Variants in SPAG16 observed in about 807,000 individuals in gnomAD.
SPAG16 encodes sperm-associated antigen 16 protein.
SPAG16 carries 86 observed loss-of-function variants against 80.4 expected under a neutral mutation model. That is an observed-to-expected ratio of 1.07 (90% CI 0.90 to 1.28). The LOEUF (loss-of-function observed/expected upper bound fraction) is 1.28. Among genes scored for constraint, SPAG16 ranks in the 50% most tolerant of loss-of-function variants. The pLI is 0.00. For missense variants in SPAG16, 870 were observed against 765.3 expected (o/e 1.14, Z -1.61); for synonymous variants, 294 against 265.9 (o/e 1.11, Z -1.03).
rs182971975 is a variant in SPAG16, at chr2:213,448,018, C to T, written c.943-41945C>T. ...CAGTCACGGCACTGGCCACCACTGC[C>T]GGAGTGGCATTACACCAATCTGTTC... On this transcript the variant is annotated intron_variant, in intron 9 of 15. Transcript: ENST00000331683. Among the ~76,000 whole-genome samples the T allele has an allele frequency of 1.4e-4, 22 of 152,326 alleles. No individual in the cohort carries two copies. In the East Asian group the frequency reaches 3.1e-3, roughly 21 times the overall value.
At chr2:213,796,374 C>CA (rs2071028397) in intron 10 of SPAG16, among the ~76,000 whole-genome samples, 1 of 152,134 alleles carries the variant, frequency 6.6e-6, no homozygotes, top group Non-Finnish European at 1.5e-5. Flanking sequence ...CTCTTCTGGA[C>CA]ATTTAATGTA....
At chr2:214,042,312 A>C (rs1473050575) in intron 13 of SPAG16, among the ~76,000 whole-genome samples, 2 of 151,810 alleles carry the variant, frequency 1.3e-5, no homozygotes, top group South Asian at 4.2e-4. Flanking sequence ...CTTGACCCGG[A>C]TATATATTAG....
At chr2:214,073,232 C>CTTTTTTTTTTTTTTTTTT (rs67988930) in intron 13 of SPAG16, among the ~76,000 whole-genome samples, 1 of 141,072 alleles carries the variant, frequency 7.1e-6, no homozygotes, top group African/African-American at 2.6e-5. Flanking sequence ...GAAATTTTTT[C>CTTTTTTTTTTTTTTTTTT]TTTTTTTTTT....
At chr2:213,660,632 C>T (rs1410981850) in intron 10 of SPAG16, among the ~76,000 whole-genome samples, 2 of 152,130 alleles carry the variant, frequency 1.3e-5, no homozygotes, top group East Asian at 3.9e-4. Context: ...TAAAATCCCT[C>T]TTGGCTTGGA....
intron 14 of SPAG16, among the ~76,000 whole-genome samples, chr2:214,135,233 T>C (rs2054985491): frequency 6.6e-6 from 1 of 152,198 alleles, no homozygotes; most frequent in African/African-American, 2.4e-5. Context: ...ATATATTAAT[T>C]GTTTTTCTTC....
intron 10 of SPAG16, among the ~76,000 whole-genome samples, chr2:213,688,855 A>G (rs952979151): frequency 6.6e-6 from 1 of 152,192 alleles, no homozygotes; most frequent in Non-Finnish European, 1.5e-5. Context: ...TAATAATTCT[A>G]TCACCAGACA....
intron 12 of SPAG16, among the ~76,000 whole-genome samples, chr2:213,988,818 C>G (rs1354844894): frequency 3.9e-5 from 6 of 151,956 alleles, no homozygotes. Context: ...GAAAGACATA[C>G]AGGGTTTGTG....
chr2:213,617,556 G>T (rs1336844322), intron 10 of SPAG16, among the ~76,000 whole-genome samples: 1 of 152,188 alleles, frequency 6.6e-6, no homozygotes, highest in Non-Finnish European at 1.5e-5. Context: ...TGGTCAGGCT[G>T]GTGTTGAACT....
intron 10 of SPAG16, among the ~76,000 whole-genome samples, chr2:213,681,332 A>T (rs1041524521): frequency 6.6e-6 from 1 of 152,200 alleles, no homozygotes; most frequent in African/African-American, 2.4e-5. Context: ...ATCTAATGCG[A>T]ATTTATGGTT....
chr2:214,252,551 T>C (rs1690372114), intron 15 of SPAG16, among the ~76,000 whole-genome samples: 1 of 151,814 alleles, frequency 6.6e-6, no homozygotes, highest in Admixed American at 6.6e-5. Context: ...TGTTTTTTGG[T>C]TTTCTGTTCT....
chr2:213,466,167 T>C (rs1295379250), intron 9 of SPAG16, among the ~76,000 whole-genome samples: 1 of 152,168 alleles, frequency 6.6e-6, no homozygotes, highest in Non-Finnish European at 1.5e-5. Flanking sequence ...TCCTTTCTTC[T>C]CAGCTTGCAG....
At chr2:213,982,639 G>GTC (rs1646115033) in intron 12 of SPAG16, among the ~76,000 whole-genome samples, 1 of 151,596 alleles carries the variant, frequency 6.6e-6, no homozygotes, top group Non-Finnish European at 1.5e-5. Flanking sequence ...GTGTGTGTGT[G>GTC]TGTGTGTGTG....
At chr2:213,727,541 C>T (rs183694687) in intron 10 of SPAG16, among the ~76,000 whole-genome samples, 14 of 152,140 alleles carry the variant, frequency 9.2e-5, no homozygotes, top group Admixed American at 9.2e-4. Context: ...TAAGGGTACA[C>T]CAAGCAAGGA....
chr2:213,712,428 T>C (rs1463249899), intron 10 of SPAG16, among the ~76,000 whole-genome samples: 1 of 152,192 alleles, frequency 6.6e-6, no homozygotes, highest in East Asian at 1.9e-4. Context: ...TTAATAGCTC[T>C]AACACTGCAG....
At chr2:214,209,032 AT>A (rs989100649) in intron 15 of SPAG16, among the ~76,000 whole-genome samples, 2 of 152,032 alleles carry the variant, frequency 1.3e-5, no homozygotes, top group East Asian at 1.9e-4. Context: ...TTTTATCATT[AT>A]TTTTTCTGGC....
intron 14 of SPAG16, among the ~76,000 whole-genome samples, chr2:214,119,079 G>A (rs897372870): frequency 6.6e-6 from 1 of 151,876 alleles, no homozygotes; most frequent in African/African-American, 2.4e-5. Context: ...ATATCACATT[G>A]TATCCATAAA....
intron 12 of SPAG16, among the ~76,000 whole-genome samples, chr2:213,993,651 G>A (rs916397369): frequency 3.3e-5 from 5 of 152,140 alleles, no homozygotes; most frequent in African/African-American, 9.7e-5. Context: ...GGAAAACGGT[G>A]TTTTCTCACG....
rs573003841 is a variant in SPAG16, at chr2:213,949,284, C to T, written c.1400+19139C>T. Among the ~76,000 whole-genome samples, 240 of 148,476 alleles carry T rather than the reference C, an allele frequency of 1.6e-3. 1 individual carries two copies. The highest frequency in any genetic ancestry group is 5.7e-3 in the African/African-American group (231 of 40,264). On this transcript the variant is annotated intron_variant, in intron 12 of 15. Coordinates refer to ENST00000331683, the MANE Select transcript of SPAG16 (RefSeq NM_024532.5). ...CTCCCAGGTTCAAGCGATTCTCGTGCCTCAGCCGCCTAAGTATCTGGGACT... is the reference window on the plus strand; with the variant it reads ...CTCCCAGGTTCAAGCGATTCTCGTGTCTCAGCCGCCTAAGTATCTGGGACT...
intron 15 of SPAG16, among the ~76,000 whole-genome samples, chr2:214,297,458 C>T (rs1185658696): frequency 6.6e-6 from 1 of 152,044 alleles, no homozygotes; most frequent in Non-Finnish European, 1.5e-5. Context: ...TCAGGTCTTA[C>T]ATTTAAGTCT....
Sources: gnomAD v4.1 joint callset for allele counts (sites outside exome capture counted in the v4.1 genomes callset) on GRCh38, gnomAD v4.1.1 for gene constraint, MANE v1.5 for transcripts, NCBI Gene and HGNC (gene_info 2026-07-23, HGNC 2026-07-21) for gene names.